Variants in CELF4 observed in about 807,000 individuals in gnomAD.
CELF4 encodes the protein CUG-BP- and ETR-3-like factor 4.
CELF4 carries 18 observed loss-of-function variants against 59.9 expected under a neutral mutation model. That is an observed-to-expected ratio of 0.30 (90% CI 0.21 to 0.45). CELF4 has a LOEUF of 0.45. Among genes scored for constraint, CELF4 ranks in the 20% least tolerant of loss-of-function variants. The pLI is 1.00. For synonymous variants in CELF4, 261 were observed against 267.1 expected (o/e 0.98, Z 0.22); for missense variants, 456 against 689.0 (o/e 0.66, Z 3.79).
intron 2 of CELF4, among the ~76,000 whole-genome samples, chr18:37,347,887 T>C (rs2098322591): frequency 6.6e-6 from 1 of 152,212 alleles, no homozygotes; most frequent in African/African-American, 2.4e-5. Context: ...CAATCCAAGA[T>C]GGGCCTCCCA....
At chr18:37,358,120 G>C (rs1189744536) in intron 2 of CELF4, among the ~76,000 whole-genome samples, 1 of 152,062 alleles carries the variant, frequency 6.6e-6, no homozygotes, top group Non-Finnish European at 1.5e-5. Context: ...CCTAAGATTT[G>C]GGAGGGGCCG....
chr18:37,472,393 G>T (rs1439463288), intron 2 of CELF4, among the ~76,000 whole-genome samples: 2 of 152,280 alleles, frequency 1.3e-5, no homozygotes, highest in Non-Finnish European at 1.5e-5. Context: ...TCCAGACCTG[G>T]GCAGCCAGGG....
chr18:37,357,758 A>T (rs895502821), intron 2 of CELF4, among the ~76,000 whole-genome samples: 1 of 152,194 alleles, frequency 6.6e-6, no homozygotes, highest in African/African-American at 2.4e-5. Context: ...AAGACCATGG[A>T]AACCTACCTC....
intron 2 of CELF4, among the ~76,000 whole-genome samples, chr18:37,393,062 G>A (rs544194461): frequency 2.4e-5 from 1 of 40,984 alleles, no homozygotes; most frequent in African/African-American, 1.6e-4. Flanking sequence ...CAGGGACTGC[G>A]GTGTGTTAGA....
chr18:37,347,495 T>C (rs540851909), intron 2 of CELF4, among the ~76,000 whole-genome samples: 2 of 152,238 alleles, frequency 1.3e-5, no homozygotes, highest in South Asian at 4.1e-4. Context: ...AGAGAGGCCC[T>C]GCCTCACAGC....
At chr18:37,454,353 T>C (rs1159171270) in intron 2 of CELF4, among the ~76,000 whole-genome samples, 1 of 152,156 alleles carries the variant, frequency 6.6e-6, no homozygotes, top group Non-Finnish European at 1.5e-5. Flanking sequence ...GGGAGCCCAG[T>C]GAAGTTTGCC....
At chr18:37,492,266 C>T (rs2154603517) in intron 1 of CELF4, among the ~76,000 whole-genome samples, 1 of 152,282 alleles carries the variant, frequency 6.6e-6, no homozygotes, top group Admixed American at 6.5e-5. Context: ...TCCCTGAAGG[C>T]CCCTCTGCCC....
intron 1 of CELF4, among the ~76,000 whole-genome samples, chr18:37,513,235 G>A (rs1221243324): frequency 1.3e-5 from 2 of 152,156 alleles, no homozygotes; most frequent in Non-Finnish European, 2.9e-5. Context: ...AAACTCTGTG[G>A]TATCCCCCAT....
At chr18:37,282,107 C>T (rs1239125152) in intron 3 of CELF4, among the ~76,000 whole-genome samples, 2 of 152,126 alleles carry the variant, frequency 1.3e-5, no homozygotes, top group African/African-American at 2.4e-5. Flanking sequence ...TTAGCACGTG[C>T]GTGGCACAGA....
At chr18:37,406,723 T>A (rs1001496006) in intron 2 of CELF4, among the ~76,000 whole-genome samples, 1 of 152,216 alleles carries the variant, frequency 6.6e-6, no homozygotes, top group Non-Finnish European at 1.5e-5. Flanking sequence ...TTGCCTGTTA[T>A]ATGCAGCCTT....
intron 2 of CELF4, among the ~76,000 whole-genome samples, chr18:37,394,994 G>C (rs2099225006): frequency 7.5e-6 from 1 of 133,058 alleles, no homozygotes; most frequent in Admixed American, 9.3e-5. Context: ...GAGTAAGTCT[G>C]CCACCCACCC....
intron 12 of CELF4, among the ~76,000 whole-genome samples, chr18:37,251,999 G>A (rs984197627): frequency 2.0e-5 from 3 of 152,212 alleles, no homozygotes; most frequent in African/African-American, 7.2e-5. Context: ...CAGGATTGCA[G>A]AGAGTGGAGG....
At chr18:37,565,147 C>G (rs1041190636) in intron 1 of CELF4, among the ~76,000 whole-genome samples, 2 of 152,164 alleles carry the variant, frequency 1.3e-5, no homozygotes, top group African/African-American at 4.8e-5. Flanking sequence ...TCGTTCCTAT[C>G]AGCACCTCGC....
intron 2 of CELF4, among the ~76,000 whole-genome samples, chr18:37,350,764 T>C (rs747343462): frequency 1.1e-4 from 16 of 152,232 alleles, no homozygotes; most frequent in Admixed American, 2.0e-4. Context: ...TGTCTGATGG[T>C]GGGACTACAG....
chr18:37,397,815 C>T (rs1368623496), intron 2 of CELF4, among the ~76,000 whole-genome samples: 1 of 152,172 alleles, frequency 6.6e-6, no homozygotes, highest in Non-Finnish European at 1.5e-5. Context: ...GGCTCGAACC[C>T]AAATCTCTGA....
chr18:37,521,099 CA>C, intron 1 of CELF4, among the ~76,000 whole-genome samples: 1 of 149,858 alleles, frequency 6.7e-6, no homozygotes, highest in East Asian at 2.0e-4. Flanking sequence ...AGACATATAT[CA>C]GGGGGCTCTG....
At chr18:37,374,070 A>C (rs1419301561) in intron 2 of CELF4, among the ~76,000 whole-genome samples, 1 of 152,190 alleles carries the variant, frequency 6.6e-6, no homozygotes, top group Admixed American at 6.5e-5. Flanking sequence ...AATCCACAGC[A>C]ATTCACATGC....
At chr18:37,551,311 C>T (rs117274840) in intron 1 of CELF4, among the ~76,000 whole-genome samples, 2 of 152,322 alleles carry the variant, frequency 1.3e-5, no homozygotes, top group Non-Finnish European at 2.9e-5. Flanking sequence ...AAGGCCACCT[C>T]AGCCATGACT....
intron 2 of CELF4, among the ~76,000 whole-genome samples, chr18:37,433,478 TCTCTGTGCCCCTACGGTGTTCAGCA>T (rs1349947425): frequency 6.6e-6 from 1 of 152,226 alleles, no homozygotes; most frequent in African/African-American, 2.4e-5. Context: ...TATCTCTGCC[TCTCTGTGCCCCTACGGTGTTCAGCA>T]CAGCACAGAG....
Sources: allele counts gnomAD v4.1 joint callset (sites outside exome capture counted in the v4.1 genomes callset), GRCh38; gene constraint gnomAD v4.1.1; transcripts MANE v1.5; gene names NCBI Gene and HGNC (gene_info 2026-07-23, HGNC 2026-07-21).